Variants in CDIN1 observed in about 807,000 individuals in gnomAD.
The protein encoded by CDIN1 is CDAN1 interacting nuclease 1, also known as CDAN1-interacting nuclease 1.
Under a neutral mutation model 45.3 loss-of-function variants are expected in CDIN1, and 33 were observed. The observed-to-expected ratio is 0.73, with a 90% CI of 0.55 to 0.97. The LOEUF (loss-of-function observed/expected upper bound fraction) is 0.97. CDIN1 is among the 50% of genes least tolerant of loss of function. CDIN1 has a pLI of 0.00. For missense variants in CDIN1, 303 were observed against 339.4 expected (o/e 0.89, Z 0.84); for synonymous variants, 118 against 124.4 (o/e 0.95, Z 0.34).
intron 5 of CDIN1, among the ~76,000 whole-genome samples, chr15:36,675,983 A>T (rs2140572862): frequency 6.6e-6 from 1 of 152,214 alleles, no homozygotes; most frequent in South Asian, 2.1e-4. Flanking sequence ...TGCAAGAAAG[A>T]TAGATCTCTG....
chr15:36,603,312 G>C (rs1188152545), intron 1 of CDIN1, among the ~76,000 whole-genome samples: 1 of 152,154 alleles, frequency 6.6e-6, no homozygotes, highest in Admixed American at 6.5e-5. Flanking sequence ...TTATAAGGCA[G>C]GCTTCTTAGA....
chr15:36,666,144 T>TA (rs1242461002), intron 5 of CDIN1, among the ~76,000 whole-genome samples: 7 of 152,270 alleles, frequency 4.6e-5, no homozygotes, highest in Non-Finnish European at 8.8e-5. Context: ...TTTACTTCTT[T>TA]TAAAAAAAAT....
chr15:36,739,992 T>G (rs2044173826), intron 10 of CDIN1, among the ~76,000 whole-genome samples: 1 of 152,192 alleles, frequency 6.6e-6, no homozygotes, highest in Non-Finnish European at 1.5e-5. Context: ...AACAACAAAT[T>G]TATTTTGTAC....
At chr15:36,604,852 G>C (rs964584306) in intron 1 of CDIN1, among the ~76,000 whole-genome samples, 33 of 152,082 alleles carry the variant, frequency 2.2e-4, no homozygotes, top group African/African-American at 7.7e-4. Flanking sequence ...CTTTACGGTA[G>C]TTCTTTTTGT....
At chr15:36,732,278 A>G (rs12594257) in intron 10 of CDIN1, among the ~76,000 whole-genome samples, 77,050 of 151,848 alleles carry the variant, frequency 0.51, 19,917 homozygotes, top group East Asian at 0.67. Flanking sequence ...ACAAAGGCAC[A>G]AAAAAAATTT....
chr15:36,643,461 T>A (rs1207353195), intron 1 of CDIN1, among the ~76,000 whole-genome samples: 2 of 152,152 alleles, frequency 1.3e-5, no homozygotes, highest in Non-Finnish European at 2.9e-5. Flanking sequence ...AGTAGGAAAA[T>A]AGAAATAATT....
At chr15:36,602,114 C>T (rs907415085) in intron 1 of CDIN1, among the ~76,000 whole-genome samples, 4 of 152,126 alleles carry the variant, frequency 2.6e-5, no homozygotes, top group South Asian at 2.1e-4. Flanking sequence ...AATTCTTAAG[C>T]GTATGTGCTC....
At chr15:36,582,322 A>G (rs1427871069) in intron 1 of CDIN1, among the ~76,000 whole-genome samples, 3 of 152,258 alleles carry the variant, frequency 2.0e-5, no homozygotes, top group Non-Finnish European at 2.9e-5. Flanking sequence ...GATATGAAGT[A>G]TATGTGCTTT....
chr15:36,700,015 A>G (rs573643667), intron 8 of CDIN1, among the ~76,000 whole-genome samples: 1 of 152,284 alleles, frequency 6.6e-6, no homozygotes, highest in South Asian at 2.1e-4. Flanking sequence ...TATTCCACAA[A>G]TAAGTTACTA....
chr15:36,755,303 C>A (rs1483388698), intron 10 of CDIN1, among the ~76,000 whole-genome samples: 1 of 152,138 alleles, frequency 6.6e-6, no homozygotes, highest in Non-Finnish European at 1.5e-5. Flanking sequence ...ATCACCCGGG[C>A]ACCCAAACCC....
chr15:36,675,528 C>G (rs1235186603), intron 5 of CDIN1, among the ~76,000 whole-genome samples: 2 of 152,130 alleles, frequency 1.3e-5, no homozygotes, highest in African/African-American at 4.8e-5. Context: ...TGCAGCATGT[C>G]TTTTTGTAAA....
chr15:36,754,681 A>G (rs940858911), intron 10 of CDIN1, among the ~76,000 whole-genome samples: 6 of 151,958 alleles, frequency 3.9e-5, no homozygotes, highest in Admixed American at 3.9e-4. Context: ...ATATACAGTC[A>G]TCATGATATT....
intron 10 of CDIN1, among the ~76,000 whole-genome samples, chr15:36,803,678 T>G (rs2055125416): frequency 6.6e-6 from 1 of 152,234 alleles, no homozygotes; most frequent in East Asian, 1.9e-4. Context: ...GTCCTAAGTC[T>G]GCACTTGAGA....
At chr15:36,706,261 T>C (rs191428268) in intron 8 of CDIN1, 2 of 152,200 alleles carry the variant, frequency 1.3e-5, no homozygotes, top group East Asian at 3.9e-4. Flanking sequence ...AGGCACAGAT[T>C]GGGTTTTGTG....
At chr15:36,788,106 A>ATATATATAT (rs1343541345) in intron 10 of CDIN1, among the ~76,000 whole-genome samples, 1 of 50,550 alleles carries the variant, frequency 2.0e-5, no homozygotes, top group African/African-American at 7.7e-5. Context: ...ATATATATAT[A>ATATATATAT]TTTTTTTTTT....
chr15:36,798,323 C>G (rs1286578592), intron 10 of CDIN1, among the ~76,000 whole-genome samples: 2 of 152,156 alleles, frequency 1.3e-5, no homozygotes, highest in Non-Finnish European at 2.9e-5. Flanking sequence ...CTAGACATTT[C>G]TAACTTCTAA....
At chr15:36,623,639 G>T (rs73379869) in intron 1 of CDIN1, among the ~76,000 whole-genome samples, 5,575 of 152,312 alleles carry the variant, frequency 0.037, 328 homozygotes, top group African/African-American at 0.13. Flanking sequence ...TTTGAGGGGA[G>T]CACTCCTATG....
At chr15:36,678,015 C>T (rs2041711940) in intron 5 of CDIN1, among the ~76,000 whole-genome samples, 1 of 152,202 alleles carries the variant, frequency 6.6e-6, no homozygotes, top group Admixed American at 6.5e-5. Context: ...CTTGTCCTTA[C>T]ATAATACTTT....
intron 10 of CDIN1, among the ~76,000 whole-genome samples, chr15:36,755,754 G>T (rs186474050): frequency 6.6e-6 from 1 of 151,978 alleles, no homozygotes; most frequent in Non-Finnish European, 1.5e-5. Context: ...CAATATCCTC[G>T]TGTTGGGTTT....
Sources: gnomAD v4.1 joint callset for allele counts (sites outside exome capture counted in the v4.1 genomes callset) on GRCh38, gnomAD v4.1.1 for gene constraint, MANE v1.5 for transcripts, NCBI Gene and HGNC (gene_info 2026-07-23, HGNC 2026-07-21) for gene names.